NRXN3: variants seen among roughly 807,000 people sequenced by gnomAD.
The protein encoded by NRXN3 is neurexin 3, also known as neurexin III.
NRXN3 carries 32 observed loss-of-function variants against 137.6 expected under a neutral mutation model. That is an observed-to-expected ratio of 0.23 (90% CI 0.18 to 0.31). The LOEUF (loss-of-function observed/expected upper bound fraction) is 0.31. NRXN3 is among the 10% of genes least tolerant of loss of function. NRXN3 has a pLI of 1.00. For missense variants in NRXN3, 1,574 were observed against 2,062.5 expected, an observed-to-expected ratio of 0.76 and a Z score of 4.59; for synonymous variants, 798 against 784.5, an observed-to-expected ratio of 1.02 and a Z score of -0.29.
intron 20 of NRXN3, among the ~76,000 whole-genome samples, chr14:79,822,415 C>A (rs1384523407): frequency 1.3e-5 from 2 of 152,088 alleles, no homozygotes; most frequent in Non-Finnish European, 2.9e-5. Context: ...AAATCAATGT[C>A]TTTTACAAAA....
Position 79,838,237 on chromosome 14 carries a change from A to AT in NRXN3, c.4094-23099dup, listed in dbSNP as rs555235413. On this transcript the variant is annotated intron_variant, in intron 20 of 20. Transcript: ENST00000335750. ...TAATTTTTTATCCCTTAAAAATGTT[A>AT]TTTTTTGGCTAACAGCATTGAAATA... Among the ~76,000 whole-genome samples the AT allele has an allele frequency of 1.9e-4, 29 of 152,280 alleles. No homozygotes were observed. In the South Asian group the frequency reaches 5.6e-3, roughly 29 times the overall value.
intron 15 of NRXN3, among the ~76,000 whole-genome samples, chr14:79,048,152 G>C (rs368071218): frequency 2.6e-5 from 4 of 152,122 alleles, no homozygotes; most frequent in African/African-American, 9.7e-5. Context: ...TTTTTGTGGA[G>C]AGAAAGACAC....
chr14:78,260,459 TC>T (rs763006898), intron 2 of NRXN3, among the ~76,000 whole-genome samples: 7 of 152,306 alleles, frequency 4.6e-5, no homozygotes, highest in Non-Finnish European at 8.8e-5. Context: ...CTAATCATGC[TC>T]CTGAGTAGGC....
intron 15 of NRXN3, among the ~76,000 whole-genome samples, chr14:79,115,834 T>C (rs1477620174): frequency 6.6e-6 from 1 of 152,226 alleles, no homozygotes. Context: ...TATATGATTG[T>C]TACTGGTACT....
At chr14:79,211,331 A>C (rs2067632030) in intron 15 of NRXN3, among the ~76,000 whole-genome samples, 1 of 152,208 alleles carries the variant, frequency 6.6e-6, no homozygotes, top group Admixed American at 6.5e-5. Context: ...AATTGTTTTT[A>C]TTGGGAAGAA....
At chr14:78,553,885 A>AG (rs2096715235) in intron 4 of NRXN3, among the ~76,000 whole-genome samples, 1 of 152,174 alleles carries the variant, frequency 6.6e-6, no homozygotes, top group Non-Finnish European at 1.5e-5. Context: ...AATAAGGTGG[A>AG]GGGGCAGGGG....
At position 79,559,685 on chromosome 14, in the gene NRXN3, C is replaced by T. The variant is rs118121104; in HGVS notation, c.3444+92283C>T. Among the ~76,000 whole-genome samples the T allele has an allele frequency of 4.8e-3, 734 of 152,104 alleles. 3 individuals carry two copies. Among genetic ancestry groups the T allele is most frequent in the Middle Eastern group, 0.01 (3 of 294 alleles). On this transcript the variant is annotated intron_variant, in intron 16 of 20. Coordinates refer to ENST00000335750, the MANE Select transcript of NRXN3 (RefSeq NM_001330195.2). ...AATAGTGTGGATAGATTTAGATTTGCCTAACTTAAGGTTGCTACAAACTTT... is the reference window on the plus strand; with the variant it reads ...AATAGTGTGGATAGATTTAGATTTGTCTAACTTAAGGTTGCTACAAACTTT...
intron 10 of NRXN3, among the ~76,000 whole-genome samples, chr14:78,891,782 C>A (rs1043237166): frequency 1.3e-5 from 2 of 151,998 alleles, no homozygotes; most frequent in Non-Finnish European, 2.9e-5. Context: ...TTACCATACA[C>A]ATGCATTTTT....
At chr14:78,394,067 C>A (rs1238320399) in intron 4 of NRXN3, among the ~76,000 whole-genome samples, 1 of 151,874 alleles carries the variant, frequency 6.6e-6, no homozygotes, top group African/African-American at 2.4e-5. Context: ...ATATTTGTTT[C>A]TTCCAGAGCC....
At chr14:79,755,339 A>G (rs1424214616) in intron 19 of NRXN3, among the ~76,000 whole-genome samples, 4 of 151,414 alleles carry the variant, frequency 2.6e-5, no homozygotes. Context: ...GTTTATATGA[A>G]TATCATTCTC....
intron 4 of NRXN3, among the ~76,000 whole-genome samples, chr14:78,368,852 C>G (rs1269825266): frequency 6.6e-6 from 1 of 152,144 alleles, no homozygotes; most frequent in Non-Finnish European, 1.5e-5. Flanking sequence ...ACAATATGGT[C>G]ATGAGAGGTC....
At chr14:79,185,026 C>A (rs185166717) in intron 15 of NRXN3, among the ~76,000 whole-genome samples, 3 of 152,202 alleles carry the variant, frequency 2.0e-5, no homozygotes, top group Non-Finnish European at 4.4e-5. Flanking sequence ...CAGAGATGCA[C>A]CTAACACAGT....
intron 16 of NRXN3, among the ~76,000 whole-genome samples, chr14:79,475,436 G>T (rs2096551201): frequency 6.6e-6 from 1 of 151,980 alleles, no homozygotes; most frequent in Non-Finnish European, 1.5e-5. Context: ...AAGATGAAGA[G>T]AATTTAGCTC....
chr14:78,905,493 G>C (rs527836927), intron 10 of NRXN3, among the ~76,000 whole-genome samples: 1 of 151,938 alleles, frequency 6.6e-6, no homozygotes, highest in East Asian at 1.9e-4. Flanking sequence ...GTTTGATCTT[G>C]GTAAATGTAA....
chr14:78,428,783 G>A (rs1431565043), intron 4 of NRXN3, among the ~76,000 whole-genome samples: 1 of 152,086 alleles, frequency 6.6e-6, no homozygotes, highest in African/African-American at 2.4e-5. Context: ...TACTGCGGGA[G>A]GTCAGCCTTT....
chr14:79,652,971 G>A (rs1006426344), intron 16 of NRXN3, among the ~76,000 whole-genome samples: 6 of 151,954 alleles, frequency 3.9e-5, no homozygotes, highest in Middle Eastern at 3.2e-3. Flanking sequence ...GTTGTAGTGG[G>A]TGATAGTTGA....
At chr14:78,830,713 A>C (rs540122994) in intron 10 of NRXN3, among the ~76,000 whole-genome samples, 174 of 152,086 alleles carry the variant, frequency 1.1e-3, no homozygotes, top group African/African-American at 4.0e-3. Flanking sequence ...TTTTCTGAGA[A>C]GATATAATGC....
At chr14:78,934,521 C>G (rs1464744724) in intron 10 of NRXN3, among the ~76,000 whole-genome samples, 2 of 152,178 alleles carry the variant, frequency 1.3e-5, no homozygotes, top group South Asian at 4.1e-4. Context: ...GACGGATTCA[C>G]AAACCACGGC....
intron 16 of NRXN3, among the ~76,000 whole-genome samples, chr14:79,513,654 G>A (rs1164918694): frequency 6.6e-6 from 1 of 152,184 alleles, no homozygotes; most frequent in East Asian, 1.9e-4. Flanking sequence ...TCAGGAGAGT[G>A]GATGGCAGTG....
Sources: gnomAD v4.1 joint callset for allele counts (sites outside exome capture counted in the v4.1 genomes callset) on GRCh38, gnomAD v4.1.1 for gene constraint, MANE v1.5 for transcripts, NCBI Gene and HGNC (gene_info 2026-07-23, HGNC 2026-07-21) for gene names.